Variants in FBXO11 observed in about 807,000 individuals in gnomAD.
FBXO11 encodes F-box protein 11.
Under a neutral mutation model 117.0 loss-of-function variants are expected in FBXO11, and 13 were observed. That is an observed-to-expected ratio of 0.11 (90% CI 0.07 to 0.18). The LOEUF (loss-of-function observed/expected upper bound fraction) is 0.18. Among genes scored for constraint, FBXO11 ranks in the 10% least tolerant of loss-of-function variants. FBXO11 has a pLI of 1.00. For synonymous variants in FBXO11, 490 were observed against 380.5 expected, an observed-to-expected ratio of 1.29 and a Z score of -3.35; for missense variants, 767 against 1,164.4, an observed-to-expected ratio of 0.66 and a Z score of 4.97.
intron 11 of FBXO11, among the ~76,000 whole-genome samples, chr2:47,826,560 C>T (rs1203676404): frequency 6.6e-6 from 1 of 152,214 alleles, no homozygotes; most frequent in African/African-American, 2.4e-5. Context: ...TCTCCTACCT[C>T]TCTATCCCCC....
chr2:47,824,136 C>T (rs1294327953), intron 11 of FBXO11, among the ~76,000 whole-genome samples: 1 of 152,222 alleles, frequency 6.6e-6, no homozygotes, highest in Non-Finnish European at 1.5e-5. Context: ...CTAGTAAGCA[C>T]ATATCCTTCA....
chr2:47,853,121 C>CAGTG (rs1403203730), intron 1 of FBXO11, among the ~76,000 whole-genome samples: 1 of 151,474 alleles, frequency 6.6e-6, no homozygotes, highest in Non-Finnish European at 1.5e-5. Context: ...ACCCAGGCTA[C>CAGTG]AGTGCAGTGG....
chr2:47,833,139 G>T, intron 7 of FBXO11, 69 bp from the exon 8 acceptor site: 1 of 1,013,224 alleles, frequency 9.9e-7, no homozygotes, highest in South Asian at 1.4e-5. Context: ...TTTATGGAGG[G>T]GGAACTTACT....
intron 18 of FBXO11, among the ~76,000 whole-genome samples, chr2:47,812,021 C>T (rs1670652212): frequency 7.1e-6 from 1 of 141,572 alleles, no homozygotes; most frequent in Non-Finnish European, 1.5e-5. Flanking sequence ...CTGAGTTATT[C>T]CAAGTCCCTG....
intron 1 of FBXO11, among the ~76,000 whole-genome samples, chr2:47,889,460 AG>A (rs1471968814): frequency 1.3e-5 from 2 of 152,200 alleles, no homozygotes; most frequent in Non-Finnish European, 2.9e-5. Flanking sequence ...CTCTTGGTTT[AG>A]GTTTATAAGA....
chr2:47,817,623 T>C (rs1210744895), intron 16 of FBXO11, among the ~76,000 whole-genome samples: 1 of 152,242 alleles, frequency 6.6e-6, no homozygotes, highest in Non-Finnish European at 1.5e-5. Context: ...AAGTGAGAGA[T>C]ACGCAACTCC....
chr2:47,811,992 G>C (rs1363005568), intron 18 of FBXO11, among the ~76,000 whole-genome samples: 2 of 142,346 alleles, frequency 1.4e-5, no homozygotes, highest in South Asian at 2.2e-4. Context: ...TTTTAGTTTA[G>C]GCTCTCATTA....
At chr2:47,854,761 G>A (rs1363740031) in intron 1 of FBXO11, among the ~76,000 whole-genome samples, 1 of 152,070 alleles carries the variant, frequency 6.6e-6, no homozygotes, top group Non-Finnish European at 1.5e-5. Context: ...AAGGGATGCT[G>A]ATGGTGGTGG....
rs920761362 is a variant in FBXO11, at chr2:47,813,215, G to C, written c.2227+19C>G. 2 of 1,611,454 alleles carry C rather than the reference G, an allele frequency of 1.2e-6. No individual in the cohort carries two copies. The highest frequency in any genetic ancestry group is 1.3e-5 in the African/African-American group (1 of 74,916). On this transcript the variant is annotated intron_variant, in intron 18 of 22. Coordinates refer to ENST00000403359, the MANE Select transcript of FBXO11 (RefSeq NM_001190274.2). ...ATGGAAAACTGGATTTTTCACTAAT[G>C]CAAAATTAACAACAATACCTCGACC...
chr2:47,888,633 C>G, intron 1 of FBXO11: 1 of 974,298 alleles, frequency 1.0e-6, no homozygotes, highest in Non-Finnish European at 1.2e-6. Context: ...TACTTTTAGG[C>G]TTGTTCTTCT....
At position 47,835,861 on chromosome 2, in the gene FBXO11, A is replaced by G. The variant is rs774810341; in HGVS notation, c.717+11T>C. ...TAATATAAACCAATATATTCTATTT[A>G]TATTTCATACCAACTGCTGGAAACT... is the stretch of plus-strand genomic sequence containing the variant. On this transcript the variant is annotated intron_variant, in intron 5 of 22. Transcript: ENST00000403359. The G allele has an allele frequency of 2.5e-6, 4 of 1,585,030 alleles. No homozygotes were observed. The highest frequency in any genetic ancestry group is 3.5e-5 in the Admixed American group (2 of 56,358).
intron 1 of FBXO11, among the ~76,000 whole-genome samples, chr2:47,880,065 G>A (rs1422949366): frequency 6.6e-6 from 1 of 151,558 alleles, no homozygotes; most frequent in Non-Finnish European, 1.5e-5. Context: ...GTGCAATCTC[G>A]GTTTACTGCA....
At chr2:47,893,380 G>C (rs1173746004) in intron 1 of FBXO11, among the ~76,000 whole-genome samples, 1 of 151,858 alleles carries the variant, frequency 6.6e-6, no homozygotes, top group Non-Finnish European at 1.5e-5. Flanking sequence ...ACACATACTG[G>C]AGATATAAGG....
intron 20 of FBXO11, 152 bp downstream of exon 20, chr2:47,809,448 C>T: frequency 1.4e-6 from 1 of 692,056 alleles, no homozygotes; most frequent in Middle Eastern, 3.7e-4. Context: ...GATACTCCAA[C>T]CATTTAGAAC....
chr2:47,859,041 CAAA>C (rs11337552), intron 1 of FBXO11, among the ~76,000 whole-genome samples: 16 of 103,130 alleles, frequency 1.6e-4, no homozygotes, highest in Admixed American at 4.1e-4. Flanking sequence ...ACTCTGTCTC[CAAA>C]AAAAAAAAAA....
At chr2:47,827,946 C>T (rs1572795554) in intron 11 of FBXO11, among the ~76,000 whole-genome samples, 1 of 152,100 alleles carries the variant, frequency 6.6e-6, no homozygotes. Flanking sequence ...ATCCACCTGC[C>T]TCAGCCTCCC....
chr2:47,896,930 T>C (rs573318985), intron 1 of FBXO11, among the ~76,000 whole-genome samples: 43 of 152,336 alleles, frequency 2.8e-4, no homozygotes, highest in Non-Finnish European at 5.3e-4. Context: ...TCTTCTTTGA[T>C]ATTTCTTCTT....
chr2:47,856,699 G>C (rs1464259544), intron 1 of FBXO11, among the ~76,000 whole-genome samples: 2 of 152,132 alleles, frequency 1.3e-5, no homozygotes, highest in African/African-American at 4.8e-5. Flanking sequence ...GTCCATATTC[G>C]TAAGGTGAAC....
chr2:47,860,143 T>G (rs1339082031), intron 1 of FBXO11, among the ~76,000 whole-genome samples: 1 of 152,202 alleles, frequency 6.6e-6, no homozygotes, highest in Non-Finnish European at 1.5e-5. Context: ...TTTAGAACTA[T>G]GCTATGCTGC....
Sources: gnomAD v4.1 joint callset for allele counts (sites outside exome capture counted in the v4.1 genomes callset) on GRCh38, gnomAD v4.1.1 for gene constraint, MANE v1.5 for transcripts, NCBI Gene and HGNC (gene_info 2026-07-23, HGNC 2026-07-21) for gene names.